The following DAAM1 variants were observed in gnomAD, a reference collection of about 807,000 sequenced individuals.
The protein encoded by DAAM1 is disheveled-associated activator of morphogenesis 1.
DAAM1 carries 52 observed loss-of-function variants against 130.0 expected under a neutral mutation model. The observed-to-expected ratio is 0.40, with a 90% CI of 0.32 to 0.50. DAAM1 has a LOEUF of 0.50. Ranked by LOEUF, DAAM1 falls within the 20% of genes least tolerant of loss-of-function variation. The pLI, the probability that DAAM1 is intolerant of heterozygous loss-of-function variation, is 0.61. For synonymous variants in DAAM1, 452 were observed against 444.5 expected (o/e 1.02, Z -0.21); for missense variants, 1,134 against 1,303.8 (o/e 0.87, Z 2.01).
intron 2 of DAAM1, among the ~76,000 whole-genome samples, 162 bp from the exon 3 acceptor site, chr14:59,291,055 C>T (rs1306442640): frequency 6.6e-6 from 1 of 152,158 alleles, no homozygotes; most frequent in Non-Finnish European, 1.5e-5. Flanking sequence ...ATGCTTTCTT[C>T]TTGATGGAAA....
At chr14:59,225,087 G>A (rs1427244478) in intron 1 of DAAM1, among the ~76,000 whole-genome samples, 1 of 141,114 alleles carries the variant, frequency 7.1e-6, no homozygotes, top group Non-Finnish European at 1.5e-5. Flanking sequence ...GAGTGCAGTG[G>A]CATAATCTCG....
At chr14:59,287,043 A>G (rs1033021868) in intron 2 of DAAM1, among the ~76,000 whole-genome samples, 5 of 152,212 alleles carry the variant, frequency 3.3e-5, no homozygotes, top group African/African-American at 7.2e-5. Context: ...TCAGCAAAGT[A>G]CTAGCTAACC....
At chr14:59,267,580 G>T (rs1472547516) in intron 2 of DAAM1, among the ~76,000 whole-genome samples, 1 of 151,994 alleles carries the variant, frequency 6.6e-6, no homozygotes, top group East Asian at 1.9e-4. Context: ...GTGGCTTTTA[G>T]TATATTAATA....
intron 2 of DAAM1, among the ~76,000 whole-genome samples, chr14:59,270,510 C>T (rs1001088655): frequency 9.2e-5 from 14 of 152,138 alleles, no homozygotes; most frequent in African/African-American, 3.1e-4. Flanking sequence ...CAAACACTTC[C>T]CATTAGGCCC....
At position 59,325,730 on chromosome 14, in the gene DAAM1, G is replaced by C; in HGVS notation, c.1056G>C (p.Leu352=). ...TAGAATTTGCCAAAAGATTTGAACT[G>C]GTACGTATGCTTACAATTATTCTGG... is the stretch of plus-strand genomic sequence containing the variant. ...DELEFAKRFE[L]VHIDTKSATQ... The change falls in exon 9 of 25, where the codon CTG becomes CTC. Residue 352 remains leucine, a splice_region_variant and synonymous_variant. Transcript: ENST00000360909. 1 of 1,613,810 alleles carries C rather than the reference G, an allele frequency of 6.2e-7. No individual in the cohort carries two copies. Among genetic ancestry groups the C allele is most frequent in the South Asian group, 1.1e-5 (1 of 91,066 alleles).
In DAAM1 at chr14:59,370,155, T is replaced by C; in HGVS notation, c.*1296T>C. 1 of 142,600 alleles carries C rather than the reference T, an allele frequency of 7.0e-6. No individual in the cohort carries two copies. The highest frequency in any genetic ancestry group is 2.8e-5 in the African/African-American group (1 of 35,390). The allele number at this position is 142,600 out of a possible 1,614,324, so 8.8% of individuals were successfully genotyped here. A position where few individuals can be genotyped will look rare whatever the true frequency, so the allele number is the denominator to read the frequency against. ...CTGTTACTTTTTTACTTTTTTTTTT[T>C]TTTTTTTTTTTTTTTGGCTTTGCTT... On this transcript the variant is annotated 3_prime_UTR_variant, in exon 25 of 25. Coordinates refer to ENST00000360909, the MANE Select transcript of DAAM1 (RefSeq NM_001270520.2).
chr14:59,218,153 A>AGATTAAT (rs371871102), intron 1 of DAAM1, among the ~76,000 whole-genome samples: 2 of 152,110 alleles, frequency 1.3e-5, no homozygotes, highest in African/African-American at 4.8e-5. Context: ...AAAAAATTCA[A>AGATTAAT]GATTAATTTC....
At chr14:59,204,179 G>C (rs970153870) in intron 1 of DAAM1, among the ~76,000 whole-genome samples, 4 of 152,230 alleles carry the variant, frequency 2.6e-5, no homozygotes, top group African/African-American at 9.6e-5. Flanking sequence ...GCTGTGGCTA[G>C]ATTCTCTGCC....
intron 1 of DAAM1, among the ~76,000 whole-genome samples, chr14:59,239,613 T>C (rs567023873): frequency 1.3e-4 from 20 of 152,302 alleles, no homozygotes; most frequent in Admixed American, 9.8e-4. Flanking sequence ...CGTTGTGTTT[T>C]GTCGTATGCT....
At chr14:59,347,276 T>G (rs1339995819) in intron 16 of DAAM1, among the ~76,000 whole-genome samples, 1 of 151,680 alleles carries the variant, frequency 6.6e-6, no homozygotes, top group Non-Finnish European at 1.5e-5. Context: ...ATTCTAATCT[T>G]CCAATCCCTT....
intron 15 of DAAM1, among the ~76,000 whole-genome samples, chr14:59,335,997 A>C (rs1885613586): frequency 6.6e-6 from 1 of 151,996 alleles, no homozygotes; most frequent in Non-Finnish European, 1.5e-5. Context: ...ATGAAAACAG[A>C]AGAGAGAAAT....
chr14:59,249,336 C>G (rs1881533273), intron 1 of DAAM1, among the ~76,000 whole-genome samples: 2 of 152,198 alleles, frequency 1.3e-5, no homozygotes. Context: ...AAGTCTGTAA[C>G]AATTTCAGAA....
rs1884965606 is a variant in DAAM1 at position 59,320,550 on chromosome 14, A to C, written c.406A>C (p.Ser136Arg). ...AGAAGAAAGAAGTAAAACTATAGAGAGTTTAAAGACAGCACTGAGGACAAA... is the reference window on the plus strand; with the variant it reads ...AGAAGAAAGAAGTAAAACTATAGAGCGTTTAAAGACAGCACTGAGGACAAA... ...EEEERSKTIE[S>R]LKTALRTKPM... The change falls in exon 5 of 25, where the codon AGT becomes CGT. Residue 136 changes from serine to arginine, a missense_variant. Ser to Arg is a moderately radical substitution (Grantham distance 110). This residue lies in a region of DAAM1 where 391 missense variants were observed against 521.6 expected (regional missense o/e 0.75). Transcript: ENST00000360909. 1 of 1,604,528 alleles carries C rather than the reference A, an allele frequency of 6.2e-7. No individual in the cohort carries two copies. The highest frequency in any genetic ancestry group is 8.5e-7 in the Non-Finnish European group (1 of 1,177,068).
chr14:59,359,325 C>A, intron 20 of DAAM1, 72 bp from the exon 21 acceptor site: 2 of 1,097,786 alleles, frequency 1.8e-6, no homozygotes, highest in Non-Finnish European at 2.7e-6. Flanking sequence ...CAGATATTAA[C>A]TATTCATATA....
chr14:59,314,744 C>A (rs1465611460), intron 3 of DAAM1, among the ~76,000 whole-genome samples: 1 of 152,232 alleles, frequency 6.6e-6, no homozygotes, highest in Admixed American at 6.5e-5. Flanking sequence ...TACTACCTTC[C>A]ATTCAATGTC....
At chr14:59,262,651 T>TGTG (rs1354068769) in intron 1 of DAAM1, among the ~76,000 whole-genome samples, 1 of 133,150 alleles carries the variant, frequency 7.5e-6, no homozygotes, top group East Asian at 2.1e-4. Flanking sequence ...TAATATTCTA[T>TGTG]TAGTGTGTGT....
intron 3 of DAAM1, among the ~76,000 whole-genome samples, chr14:59,293,970 A>G (rs74059720): frequency 0.015 from 2,332 of 152,302 alleles, 50 homozygotes; most frequent in African/African-American, 0.053. Context: ...GCCTTTTCAA[A>G]TCAGGCTTAT....
At chr14:59,318,556 T>G (rs2139611363) in intron 4 of DAAM1, among the ~76,000 whole-genome samples, 1 of 151,572 alleles carries the variant, frequency 6.6e-6, no homozygotes, top group East Asian at 1.9e-4. Flanking sequence ...AGTTGCAAAT[T>G]AAACCTTCTT....
intron 1 of DAAM1, among the ~76,000 whole-genome samples, chr14:59,237,836 C>T (rs1889348983): frequency 6.6e-6 from 1 of 152,152 alleles, no homozygotes; most frequent in Non-Finnish European, 1.5e-5. Flanking sequence ...TCCTTTGAAG[C>T]TCTTGGCATA....
Sources: allele counts gnomAD v4.1 joint callset (sites outside exome capture counted in the v4.1 genomes callset), GRCh38; gene constraint gnomAD v4.1.1; regional missense constraint gnomAD v4.1.1; transcripts MANE v1.5; gene names NCBI Gene and HGNC (gene_info 2026-07-23, HGNC 2026-07-21).